The following CDH12 variants were observed in gnomAD, a reference collection of about 807,000 sequenced individuals.
CDH12 encodes the protein cadherin-12.
In CDH12, 41 loss-of-function variants were observed where a neutral mutation model predicts 74.1. The observed-to-expected ratio is 0.55, with a 90% CI of 0.43 to 0.72. The LOEUF is 0.72. Among genes scored for constraint, CDH12 ranks in the 30% least tolerant of loss-of-function variants. The pLI is 0.00. For missense variants in CDH12, 945 were observed against 977.2 expected, an observed-to-expected ratio of 0.97 and a Z score of 0.44; for synonymous variants, 399 against 355.0, an observed-to-expected ratio of 1.12 and a Z score of -1.39.
chr5:22,112,681 T>A (rs1161415172), intron 4 of CDH12, among the ~76,000 whole-genome samples: 2 of 151,432 alleles, frequency 1.3e-5, no homozygotes, highest in African/African-American at 2.4e-5. Context: ...TGAATCAATA[T>A]ATTTATCAAA....
chr5:21,949,780 C>T lies in CDH12; in HGVS notation c.526+25311G>A, dbSNP rs186477650. Among the ~76,000 whole-genome samples, 128 of 152,050 alleles carry T rather than the reference C, an allele frequency of 8.4e-4. 2 individuals are homozygous for T. In the East Asian group the frequency reaches 0.02, roughly 23 times the overall value. ...ATAAAGTATTTCTGTGTACAATATG[C>T]GTTTTAAGCTAAGTGTTATTACAAA... On this transcript the variant is annotated intron_variant, in intron 6 of 14. Transcript: ENST00000382254.
chr5:22,329,129 T>C (rs1739244023), intron 3 of CDH12, among the ~76,000 whole-genome samples: 1 of 152,188 alleles, frequency 6.6e-6, no homozygotes, highest in African/African-American at 2.4e-5. Context: ...TTGACCCTGA[T>C]AAACAGTGCT....
At chr5:22,454,011 TA>T (rs1178080485) in intron 2 of CDH12, among the ~76,000 whole-genome samples, 3 of 152,140 alleles carry the variant, frequency 2.0e-5, no homozygotes, top group Non-Finnish European at 4.4e-5. Context: ...ATATAATAAG[TA>T]AAAAATGGAG....
chr5:22,395,630 T>C (rs1337925107), intron 3 of CDH12, among the ~76,000 whole-genome samples: 1 of 152,112 alleles, frequency 6.6e-6, no homozygotes, highest in African/African-American at 2.4e-5. Flanking sequence ...ATATTAAATA[T>C]AAGATATGTC....
At chr5:22,407,708 T>C (rs1422510329) in intron 2 of CDH12, among the ~76,000 whole-genome samples, 1 of 152,104 alleles carries the variant, frequency 6.6e-6, no homozygotes, top group Non-Finnish European at 1.5e-5. Context: ...ACCTAAGCAG[T>C]GCAAAAACCA....
At chr5:22,026,213 C>T (rs1355287756) in intron 5 of CDH12, among the ~76,000 whole-genome samples, 1 of 152,126 alleles carries the variant, frequency 6.6e-6, no homozygotes, top group Non-Finnish European at 1.5e-5. Flanking sequence ...TGATTATTTG[C>T]AGGTGGCTAA....
At chr5:22,559,126 A>T (rs1462044830) in intron 1 of CDH12, among the ~76,000 whole-genome samples, 1 of 152,076 alleles carries the variant, frequency 6.6e-6, no homozygotes, top group East Asian at 1.9e-4. Context: ...CCTTCAAATA[A>T]TAACAAATGG....
chr5:22,280,707 G>A (rs1241971240), intron 3 of CDH12, among the ~76,000 whole-genome samples: 1 of 152,062 alleles, frequency 6.6e-6, no homozygotes. Flanking sequence ...CCAATAACAG[G>A]CTCTGAAATT....
chr5:22,301,030 A>G (rs912632478), intron 3 of CDH12, among the ~76,000 whole-genome samples: 2 of 149,474 alleles, frequency 1.3e-5, no homozygotes, highest in Middle Eastern at 3.4e-3. Flanking sequence ...AAAATAATAC[A>G]GTTCATTTCA....
At chr5:21,812,888 A>C (rs1449574856) in intron 9 of CDH12, among the ~76,000 whole-genome samples, 4 of 152,150 alleles carry the variant, frequency 2.6e-5, no homozygotes, top group Admixed American at 6.6e-5. Context: ...CCATATTTAG[A>C]GATGAAAGCA....
At chr5:22,558,509 G>A (rs151269355) in intron 1 of CDH12, among the ~76,000 whole-genome samples, 1 of 152,204 alleles carries the variant, frequency 6.6e-6, no homozygotes, top group East Asian at 1.9e-4. Context: ...AGTGAACTTT[G>A]CAGGGGACAA....
intron 3 of CDH12, among the ~76,000 whole-genome samples, chr5:22,321,580 C>T (rs1738884927): frequency 6.8e-6 from 1 of 147,788 alleles, no homozygotes; most frequent in African/African-American, 2.5e-5. Flanking sequence ...ACCAGCACGG[C>T]ACATGTATAC....
chr5:21,837,329 C>T (rs1468141400), intron 8 of CDH12, among the ~76,000 whole-genome samples: 1 of 151,164 alleles, frequency 6.6e-6, no homozygotes, highest in East Asian at 1.9e-4. Context: ...ATGCCTATGC[C>T]ATTTACATTT....
chr5:21,912,148 A>G (rs1753885408), intron 6 of CDH12, among the ~76,000 whole-genome samples: 1 of 152,190 alleles, frequency 6.6e-6, no homozygotes. Flanking sequence ...GAAAATTAAG[A>G]AACAAACTAT....
rs114224746 is a variant in CDH12 at position 22,337,259 on chromosome 5, C to T, written c.-333+67998G>A. 1.9e-3 allele frequency among the ~76,000 whole-genome samples: 291 copies of T among 152,212 alleles called. 2 individuals carry two copies. The highest frequency in any genetic ancestry group is 3.1e-3 in the Non-Finnish European group (209 of 68,028). On this transcript the variant is annotated intron_variant, in intron 3 of 14. Transcript: ENST00000382254. The stretch of plus-strand genomic sequence containing the variant: ...CATAGGCAGAAGGGACACGCCTTGT[C>T]TAGGATGAGACTTTGGAATATGGAC...
rs1740217192 is a variant in CDH12 at position 22,348,417 on chromosome 5, G to T, written c.-333+56840C>A. Reference sequence around the variant, plus strand: ...AACCAACAAAATGCAATGCTAATTTGATTAGAGTATAAAGAGCTTTATTTT... The same window carrying T: ...AACCAACAAAATGCAATGCTAATTTTATTAGAGTATAAAGAGCTTTATTTT... On this transcript the variant is annotated intron_variant, in intron 3 of 14. Transcript: ENST00000382254. 2.0e-5 allele frequency among the ~76,000 whole-genome samples: 3 copies of T among 152,146 alleles called. No homozygotes were observed. The South Asian group carries it at 6.2e-4, about 32-fold the overall frequency.
At chr5:22,095,085 G>A (rs1029068724) in intron 4 of CDH12, among the ~76,000 whole-genome samples, 19 of 152,064 alleles carry the variant, frequency 1.2e-4, no homozygotes, top group Non-Finnish European at 2.1e-4. Context: ...GACTTGGATC[G>A]GGGGACCTCC....
At chr5:22,171,437 T>C (rs1473460556) in intron 4 of CDH12, among the ~76,000 whole-genome samples, 2 of 151,950 alleles carry the variant, frequency 1.3e-5, no homozygotes, top group Non-Finnish European at 2.9e-5. Context: ...TCTGATAATA[T>C]GAGTGTAATA....
At chr5:22,244,356 G>A (rs1752843736) in intron 3 of CDH12, among the ~76,000 whole-genome samples, 1 of 151,578 alleles carries the variant, frequency 6.6e-6, no homozygotes, top group Non-Finnish European at 1.5e-5. Context: ...CTAGCTGGGT[G>A]TGGTGGTGTG....
Sources: gnomAD v4.1 joint callset for allele counts (sites outside exome capture counted in the v4.1 genomes callset) on GRCh38, gnomAD v4.1.1 for gene constraint, MANE v1.5 for transcripts, NCBI Gene and HGNC (gene_info 2026-07-23, HGNC 2026-07-21) for gene names.